Variants in AGAP1 observed in about 807,000 individuals in gnomAD.
AGAP1 encodes the protein ArfGAP with GTPase domain, ankyrin repeat and PH domain 1, also known as arf-GAP with GTPase, ANK repeat and PH domain-containing protein 1.
Under a neutral mutation model 105.3 loss-of-function variants are expected in AGAP1, and 29 were observed. The observed-to-expected ratio is 0.28, with a 90% CI of 0.21 to 0.38. The LOEUF is 0.38. Ranked by LOEUF, AGAP1 falls within the 10% of genes least tolerant of loss-of-function variation. The probability of loss-of-function intolerance (pLI) is 1.00; values close to 1 mark genes in which losing one functional copy is unlikely to be tolerated. For synonymous variants in AGAP1, 509 were observed against 485.9 expected, an observed-to-expected ratio of 1.05 and a Z score of -0.63; for missense variants, 998 against 1,165.1, an observed-to-expected ratio of 0.86 and a Z score of 2.09.
chr2:236,046,019 C>T lies in AGAP1; in HGVS notation c.1892-3040C>T, dbSNP rs146705631. 3,557 of 471,572 alleles carry T rather than the reference C, an allele frequency of 7.5e-3. 20 individuals are homozygous for T. Among genetic ancestry groups the T allele is most frequent in the Middle Eastern group, 0.01 (32 of 3,080 alleles). 29.2% of individuals were successfully genotyped at this position (471,572 alleles called of 1,614,324 possible). A position where few individuals can be genotyped will look rare whatever the true frequency, so the allele number is the denominator to read the frequency against. ...AGATCTGGACCTGACAGCCTGGGAG[C>T]TGCTGGGGGGAGGTAGGAGGGGGTG... On this transcript the variant is annotated intron_variant, in intron 15 of 17. Coordinates refer to ENST00000304032, the MANE Select transcript of AGAP1 (RefSeq NM_001037131.3). This position sits in a 1 kb window ranked among gnomAD's most constrained non-coding sequence, Gnocchi z 5.2.
At chr2:235,806,895 C>A (rs1160495851) in intron 8 of AGAP1, among the ~76,000 whole-genome samples, 1 of 151,890 alleles carries the variant, frequency 6.6e-6, no homozygotes, top group Non-Finnish European at 1.5e-5. Context: ...CCCTTTTTTC[C>A]TCGGCTGTGT....
rs1193441051 is a variant in AGAP1, at chr2:235,951,430, C to T, written c.1484-17032C>T. Among the ~76,000 whole-genome samples the T allele has an allele frequency of 6.6e-6, 1 of 152,206 alleles. No individual in the cohort carries two copies. Among genetic ancestry groups the T allele is most frequent in the East Asian group, 1.9e-4 (1 of 5,194 alleles). ...TAGCATGGAACTGAAAAATGTGTAG[C>T]AGGTTTTCAAACCTCTTACTTGCCC... On this transcript the variant is annotated intron_variant, in intron 12 of 17. Transcript: ENST00000304032. The surrounding 1 kb of genome is among the most constrained non-coding windows in gnomAD (Gnocchi z 4.2).
intron 1 of AGAP1, among the ~76,000 whole-genome samples, chr2:235,585,013 T>C (rs1945059552): frequency 6.6e-6 from 1 of 151,608 alleles, no homozygotes; most frequent in Non-Finnish European, 1.5e-5. Context: ...CCCCGGCTTC[T>C]TGAAACCTTC....
At chr2:235,996,122 A>T (rs1474243514) in intron 13 of AGAP1, among the ~76,000 whole-genome samples, 1 of 152,228 alleles carries the variant, frequency 6.6e-6, no homozygotes, top group African/African-American at 2.4e-5. Context: ...AGATACGATA[A>T]ATCATTTTTC....
At position 235,962,959 on chromosome 2, in the gene AGAP1, A is replaced by C. The variant is rs1204714038; in HGVS notation, c.1484-5503A>C. 6.6e-6 allele frequency among the ~76,000 whole-genome samples: 1 copy of C among 152,148 alleles called. No individual in the cohort carries two copies. Among genetic ancestry groups the C allele is most frequent in the Non-Finnish European group, 1.5e-5 (1 of 68,040 alleles). On this transcript the variant is annotated intron_variant, in intron 12 of 17. Transcript: ENST00000304032. The surrounding 1 kb of genome is among the most constrained non-coding windows in gnomAD (Gnocchi z 5.3). ...AGAGGTCCTGGGTGGGGGTTCCTGG[A>C]GAACCGGTGGATCTGTGGGAATCCA...
At chr2:235,968,381 T>C (rs2054492030) in intron 12 of AGAP1, 81 bp from the exon 13 acceptor site, 3 of 1,499,728 alleles carry the variant, frequency 2.0e-6, no homozygotes, top group Non-Finnish European at 2.7e-6. Context: ...AGCGTGGCTG[T>C]GCTGTTTCTG....
intron 1 of AGAP1, among the ~76,000 whole-genome samples, chr2:235,697,193 C>A (rs1420858388): frequency 6.6e-6 from 1 of 152,072 alleles, no homozygotes; most frequent in African/African-American, 2.4e-5. Context: ...CTGGAAGAAC[C>A]GGAGGCAGCC....
At chr2:236,088,641 T>C (rs2058987408) in intron 16 of AGAP1, among the ~76,000 whole-genome samples, 1 of 152,236 alleles carries the variant, frequency 6.6e-6, no homozygotes. Flanking sequence ...GGAAGTAGTG[T>C]TAATTATTTA....
In AGAP1 at chr2:235,971,605, G is replaced by T. The variant is rs1396402050; in HGVS notation, c.1645+2982G>T. Among the ~76,000 whole-genome samples, 1 of 151,870 alleles carries T rather than the reference G, an allele frequency of 6.6e-6. No homozygotes were observed. Among genetic ancestry groups the T allele is most frequent in the Non-Finnish European group, 1.5e-5 (1 of 67,956 alleles). On this transcript the variant is annotated intron_variant, in intron 13 of 17. Coordinates refer to ENST00000304032, the MANE Select transcript of AGAP1 (RefSeq NM_001037131.3). The surrounding 1 kb of genome is among the most constrained non-coding windows in gnomAD (Gnocchi z 4.8). ...CTTGGGAGGCTGAGGCAGGAGAATG[G>T]CGTGAACCCAGGAGGTGGAGCTTGC...
intron 1 of AGAP1, among the ~76,000 whole-genome samples, chr2:235,680,488 C>G (rs147679354): frequency 7.6e-4 from 115 of 152,206 alleles, no homozygotes; most frequent in African/African-American, 2.7e-3. Context: ...ATCCCCCCAT[C>G]TCTGTTCTGT....
At chr2:236,115,805 T>C (rs900885131) in intron 16 of AGAP1, among the ~76,000 whole-genome samples, 5 of 151,428 alleles carry the variant, frequency 3.3e-5, no homozygotes, top group Admixed American at 6.6e-5. Flanking sequence ...AAAGCTTCTG[T>C]TTTTGTTTTG....
Position 235,982,317 on chromosome 2 carries a change from A to T in AGAP1, c.1645+13694A>T, listed in dbSNP as rs903274450. Among the ~76,000 whole-genome samples, 1 of 147,410 alleles carries T rather than the reference A, an allele frequency of 6.8e-6. No individual in the cohort carries two copies. Among genetic ancestry groups the T allele is most frequent in the African/African-American group, 2.7e-5 (1 of 36,850 alleles). ...CTTACAATTAACATATAATTACCTC[A>T]ACGGGCCAATTAATTAAGCAATTTA... is the stretch of plus-strand genomic sequence containing the variant. On this transcript the variant is annotated intron_variant, in intron 13 of 17. Transcript: ENST00000304032. This position sits in a 1 kb window ranked among gnomAD's most constrained non-coding sequence, Gnocchi z 4.9.
rs2056065533 is a variant in AGAP1 at position 236,000,408 on chromosome 2, C to T, written c.1645+31785C>T. On this transcript the variant is annotated intron_variant, in intron 13 of 17. Coordinates refer to ENST00000304032, the MANE Select transcript of AGAP1 (RefSeq NM_001037131.3). This position sits in a 1 kb window ranked among gnomAD's most constrained non-coding sequence, Gnocchi z 4.3. ...TCAATGGCATTGAGGACTTTCTGTA[C>T]AAAAATCACTACGCGTGACAGCTCA... 6.6e-6 allele frequency among the ~76,000 whole-genome samples: 1 copy of T among 152,174 alleles called. No individual in the cohort carries two copies. The highest frequency in any genetic ancestry group is 1.5e-5 in the Non-Finnish European group (1 of 68,028).
chr2:235,652,083 G>C (rs1251512396), intron 1 of AGAP1, among the ~76,000 whole-genome samples: 1 of 152,172 alleles, frequency 6.6e-6, no homozygotes, highest in Non-Finnish European at 1.5e-5. Context: ...ATCGAAGGGG[G>C]CAAACTTAAT....
At chr2:235,819,992 C>T (rs1322756917) in intron 9 of AGAP1, among the ~76,000 whole-genome samples, 1 of 151,472 alleles carries the variant, frequency 6.6e-6, no homozygotes, top group Non-Finnish European at 1.5e-5. Flanking sequence ...CAACCTCCGC[C>T]TCCCAGGTTC....
Position 236,001,024 on chromosome 2 carries a change from A to G in AGAP1, c.1645+32401A>G, listed in dbSNP as rs2125514279. Among the ~76,000 whole-genome samples, 1 of 152,168 alleles carries G rather than the reference A, an allele frequency of 6.6e-6. No individual in the cohort carries two copies. Among genetic ancestry groups the G allele is most frequent in the South Asian group, 2.1e-4 (1 of 4,816 alleles). On this transcript the variant is annotated intron_variant, in intron 13 of 17. Coordinates refer to ENST00000304032, the MANE Select transcript of AGAP1 (RefSeq NM_001037131.3). This position sits in a 1 kb window ranked among gnomAD's most constrained non-coding sequence, Gnocchi z 4.7. The stretch of plus-strand genomic sequence containing the variant: ...GAGATGAGTTGTCCTAACCCCCACT[A>G]CCTCAGAATGTGGCCTCATATGGAA...
At position 235,961,735 on chromosome 2, in the gene AGAP1, C is replaced by G. The variant is rs528990899; in HGVS notation, c.1484-6727C>G. Among the ~76,000 whole-genome samples, 1 of 152,174 alleles carries G rather than the reference C, an allele frequency of 6.6e-6. No homozygotes were observed. The highest frequency in any genetic ancestry group is 1.9e-4 in the East Asian group (1 of 5,188). On this transcript the variant is annotated intron_variant, in intron 12 of 17. Transcript: ENST00000304032. This position sits in a 1 kb window ranked among gnomAD's most constrained non-coding sequence, Gnocchi z 5.9. ...CCATCCTGGCCAACATGTTGAAACC[C>G]GTCTCTACTAAAAATACGAAAATTA...
At chr2:235,759,363 C>T (rs2317001) in intron 6 of AGAP1, among the ~76,000 whole-genome samples, 17 of 150,980 alleles carry the variant, frequency 1.1e-4, no homozygotes, top group African/African-American at 3.9e-4. Flanking sequence ...TAGAGACGGG[C>T]TTTCACCGTG....
At chr2:235,996,404 G>T (rs2055817645) in intron 13 of AGAP1, among the ~76,000 whole-genome samples, 1 of 152,214 alleles carries the variant, frequency 6.6e-6, no homozygotes, top group Non-Finnish European at 1.5e-5. Context: ...CTGACACATA[G>T]TTAAGTTGTG....
Sources: gnomAD v4.1 joint callset for allele counts (sites outside exome capture counted in the v4.1 genomes callset) on GRCh38, gnomAD v4.1.1 for gene constraint, Gnocchi (gnomAD v3.1) non-coding constraint, MANE v1.5 for transcripts, NCBI Gene and HGNC (gene_info 2026-07-23, HGNC 2026-07-21) for gene names.